The following KIF5C variants were observed in gnomAD, a reference collection of about 807,000 sequenced individuals.
The protein encoded by KIF5C is kinesin heavy chain isoform 5C.
KIF5C carries 18 observed loss-of-function variants against 125.2 expected under a neutral mutation model. The observed-to-expected ratio is 0.14, with a 90% confidence interval of 0.10 to 0.21. KIF5C has a LOEUF of 0.21. Among genes scored for constraint, KIF5C ranks in the 10% least tolerant of loss-of-function variants. The pLI is 1.00. For missense variants in KIF5C, 780 were observed against 1,183.8 expected, an observed-to-expected ratio of 0.66 and a Z score of 5.01; for synonymous variants, 405 against 434.0, an observed-to-expected ratio of 0.93 and a Z score of 0.83.
At chr2:148,916,431 G>A (rs72866032) in intron 1 of KIF5C, among the ~76,000 whole-genome samples, 6,692 of 152,268 alleles carry the variant, frequency 0.044, 210 homozygotes, top group Non-Finnish European at 0.069. Flanking sequence ...GTGCTCTGTG[G>A]AGCTGAGCTC....
intron 10 of KIF5C, among the ~76,000 whole-genome samples, chr2:148,958,771 C>A (rs910803907): frequency 2.6e-5 from 4 of 152,114 alleles, no homozygotes; most frequent in Non-Finnish European, 5.9e-5. Context: ...CACCAGAGGT[C>A]AGGATTTTGA....
intron 18 of KIF5C, 84 bp from the exon 19 acceptor site, chr2:148,998,316 A>T: frequency 1.1e-5 from 17 of 1,530,958 alleles, no homozygotes; most frequent in Non-Finnish European, 1.5e-5. Context: ...ACAGGGAAGG[A>T]GGTAGGTCCA....
chr2:148,990,154 C>T (rs1453533461), intron 15 of KIF5C, among the ~76,000 whole-genome samples: 3 of 152,208 alleles, frequency 2.0e-5, no homozygotes, highest in Non-Finnish European at 4.4e-5. Flanking sequence ...CTCTTAAAGA[C>T]CATGTTTGCA....
chr2:148,914,080 A>G (rs751822204), intron 1 of KIF5C, among the ~76,000 whole-genome samples: 7 of 152,224 alleles, frequency 4.6e-5, no homozygotes, highest in African/African-American at 1.7e-4. Context: ...AGCTTGTTAG[A>G]GCCAGAACTA....
chr2:148,889,028 A>G (rs1199392947), intron 1 of KIF5C, among the ~76,000 whole-genome samples: 2 of 152,216 alleles, frequency 1.3e-5, no homozygotes, highest in African/African-American at 4.8e-5. Flanking sequence ...ATCTGCATGC[A>G]CAGAGCTGTG....
chr2:148,991,512 T>A (rs1445970467), intron 16 of KIF5C, among the ~76,000 whole-genome samples: 1 of 152,078 alleles, frequency 6.6e-6, no homozygotes, highest in Non-Finnish European at 1.5e-5. Context: ...TAAGGCAATA[T>A]TCCCTCATCT....
chr2:148,876,282 G>A lies in KIF5C; in HGVS notation c.126+539G>A, dbSNP rs1458158114. On this transcript the variant is annotated intron_variant, in intron 1 of 25. Transcript: ENST00000435030. The surrounding 1 kb of genome is among the most constrained non-coding windows in gnomAD (Gnocchi z 4.7). The stretch of plus-strand genomic sequence containing the variant: ...CGGCAGTGTAGACGCGGCTCCCCGC[G>A]GTGTTACACCTGGCTCCGCGCGCGG... Among the ~76,000 whole-genome samples, 1 of 152,096 alleles carries A rather than the reference G, an allele frequency of 6.6e-6. No individual in the cohort carries two copies. The highest frequency in any genetic ancestry group is 1.5e-5 in the Non-Finnish European group (1 of 68,004).
intron 14 of KIF5C, among the ~76,000 whole-genome samples, chr2:148,982,385 C>G (rs933553459): frequency 6.6e-6 from 1 of 152,224 alleles, no homozygotes; most frequent in Non-Finnish European, 1.5e-5. Context: ...TGGCTCTAAC[C>G]TGCTATCCTT....
At chr2:148,882,316 G>A (rs1003642162) in intron 1 of KIF5C, among the ~76,000 whole-genome samples, 2 of 152,148 alleles carry the variant, frequency 1.3e-5, no homozygotes, top group Non-Finnish European at 1.5e-5. Context: ...GTCTAGGGCC[G>A]TTGTGTGCTA....
At position 149,015,658 on chromosome 2, in the gene KIF5C, C is replaced by T. The variant is rs1682338192; in HGVS notation, c.*7+3975C>T. ...AACCCAGGATAATGCTGGCTTTGATCTTATCTGGTTCAAATCCACAGGGGG... is the reference window on the plus strand; with the variant it reads ...AACCCAGGATAATGCTGGCTTTGATTTTATCTGGTTCAAATCCACAGGGGG... On this transcript the variant is annotated intron_variant, in intron 25 of 25. Coordinates refer to ENST00000435030, the MANE Select transcript of KIF5C (RefSeq NM_004522.3). Among the ~76,000 whole-genome samples the T allele has an allele frequency of 2.6e-5, 4 of 152,190 alleles. No individual in the cohort carries two copies. In the South Asian group the frequency reaches 8.3e-4, roughly 32 times the overall value.
At chr2:148,945,457 A>G (rs1682500372) in intron 7 of KIF5C, among the ~76,000 whole-genome samples, 1 of 152,072 alleles carries the variant, frequency 6.6e-6, no homozygotes, top group Non-Finnish European at 1.5e-5. Flanking sequence ...ATATGTGAGG[A>G]TTTATTTCTG....
chr2:149,019,366 G>A (rs1682461610), intron 25 of KIF5C, among the ~76,000 whole-genome samples: 1 of 152,206 alleles, frequency 6.6e-6, no homozygotes, highest in Non-Finnish European at 1.5e-5. Context: ...TGTTAAAGTG[G>A]TCATGGGGAC....
chr2:148,940,750 A>AT (rs1682390732), intron 4 of KIF5C, among the ~76,000 whole-genome samples: 1 of 152,172 alleles, frequency 6.6e-6, no homozygotes, highest in East Asian at 1.9e-4. Context: ...CTAGAGGGGG[A>AT]TTTTTGACAT....
intron 7 of KIF5C, 104 bp from the exon 8 acceptor site, chr2:148,946,795 T>G: frequency 2.7e-6 from 4 of 1,506,238 alleles, no homozygotes; most frequent in Non-Finnish European, 3.6e-6. Flanking sequence ...CTTACTTCAA[T>G]GAAATGGATC....
chr2:148,894,829 A>G (rs890225841), intron 1 of KIF5C, among the ~76,000 whole-genome samples: 2 of 151,150 alleles, frequency 1.3e-5, no homozygotes, highest in Non-Finnish European at 2.9e-5. Flanking sequence ...CAAATATTAT[A>G]TAAACATTTT....
At chr2:148,953,844 A>C (rs1682727483) in intron 10 of KIF5C, among the ~76,000 whole-genome samples, 1 of 152,166 alleles carries the variant, frequency 6.6e-6, no homozygotes, top group South Asian at 2.1e-4. Context: ...TAGATACTGG[A>C]ATTTAAAGGG....
At chr2:148,938,533 GC>G (rs1682339265) in intron 4 of KIF5C, among the ~76,000 whole-genome samples, 1 of 152,120 alleles carries the variant, frequency 6.6e-6, no homozygotes. Flanking sequence ...GGCAGCTGCT[GC>G]TCCACCATTC....
chr2:148,891,115 C>T (rs2105046225), intron 1 of KIF5C, among the ~76,000 whole-genome samples: 1 of 152,252 alleles, frequency 6.6e-6, no homozygotes, highest in South Asian at 2.1e-4. Flanking sequence ...TGGGATATTG[C>T]ATATTTCAGA....
intron 13 of KIF5C, among the ~76,000 whole-genome samples, chr2:148,979,394 A>G (rs1464021640): frequency 6.6e-6 from 1 of 152,148 alleles, no homozygotes; most frequent in Non-Finnish European, 1.5e-5. Flanking sequence ...TTCCCGCCTA[A>G]GACTCTCAAG....
Sources: gnomAD v4.1 joint callset for allele counts (sites outside exome capture counted in the v4.1 genomes callset) on GRCh38, gnomAD v4.1.1 for gene constraint, Gnocchi (gnomAD v3.1) non-coding constraint, MANE v1.5 for transcripts, NCBI Gene and HGNC (gene_info 2026-07-23, HGNC 2026-07-21) for gene names.